The following RAB11FIP3 variants were observed in gnomAD, a reference collection of about 807,000 sequenced individuals.
The protein encoded by RAB11FIP3 is rab11 family-interacting protein 3.
A neutral mutation model predicts 77.8 loss-of-function variants in RAB11FIP3; 17 were observed. That is an observed-to-expected ratio of 0.22 (90% CI 0.15 to 0.33). RAB11FIP3 has a LOEUF of 0.33. Among genes scored for constraint, RAB11FIP3 ranks in the 10% least tolerant of loss-of-function variants. The probability of loss-of-function intolerance (pLI) is 1.00; values close to 1 mark genes in which losing one functional copy is unlikely to be tolerated. For missense variants in RAB11FIP3, 1,005 were observed against 1,011.2 expected (o/e 0.99, Z 0.08); for synonymous variants, 437 against 448.2 (o/e 0.98, Z 0.31).
intron 5 of RAB11FIP3, among the ~76,000 whole-genome samples, chr16:494,483 G>A (rs1260803327): frequency 4.0e-5 from 6 of 151,682 alleles, no homozygotes; most frequent in East Asian, 2.0e-4. Context: ...TTAGCCGGGC[G>A]TGGTGGCGGG....
At chr16:474,209 G>A (rs2055859091) in intron 3 of RAB11FIP3, among the ~76,000 whole-genome samples, 1 of 152,092 alleles carries the variant, frequency 6.6e-6, no homozygotes, top group Admixed American at 6.6e-5. Flanking sequence ...TAGTCTTCAG[G>A]TAAATAAACC....
Position 471,341 on chromosome 16 carries a change from G to T in RAB11FIP3, c.855G>T (p.Glu285Asp). The T allele has an allele frequency of 6.2e-7, 1 of 1,614,058 alleles. No homozygotes were observed. Among genetic ancestry groups the T allele is most frequent in the Non-Finnish European group, 8.5e-7 (1 of 1,179,930 alleles). Residue 285 changes from glutamate to aspartate, a missense_variant, in exon 3 of 14, where the codon GAG becomes GAT. Glu to Asp is a conservative substitution (Grantham distance 45, BLOSUM62 2). Transcript: ENST00000262305. The surrounding 1 kb of genome is among the most constrained non-coding windows in gnomAD (Gnocchi z 4.4). ...GTGGTGTCGCTTCTGCCCAAGATGA[G>T]GAGCCCCTGGCCTGCCCGGACGAGT... ...CYGGVASAQD[E>D]EPLACPDEFD...
At chr16:481,202 C>T (rs746331441) in intron 3 of RAB11FIP3, among the ~76,000 whole-genome samples, 5 of 152,022 alleles carry the variant, frequency 3.3e-5, no homozygotes, top group Non-Finnish European at 5.9e-5. Context: ...ACTGCAGCCT[C>T]GACCTTTTGG....
intron 3 of RAB11FIP3, among the ~76,000 whole-genome samples, chr16:475,770 A>C (rs2055892996): frequency 6.6e-6 from 1 of 152,210 alleles, no homozygotes; most frequent in Non-Finnish European, 1.5e-5. Context: ...GAAGCCGCTG[A>C]GGAGTGGAAC....
chr16:480,634 G>A (rs1483265412), intron 3 of RAB11FIP3, among the ~76,000 whole-genome samples: 3 of 151,978 alleles, frequency 2.0e-5, no homozygotes, highest in African/African-American at 7.3e-5. Context: ...CGAGTAGCTG[G>A]GACTACAGGT....
Position 486,884 on chromosome 16 carries a change from C to G in RAB11FIP3, c.1116-1967C>G, listed in dbSNP as rs767432003. Among the ~76,000 whole-genome samples the G allele has an allele frequency of 2.0e-5, 3 of 152,226 alleles. No individual in the cohort carries two copies. The South Asian group carries it at 6.2e-4, about 32-fold the overall frequency. On this transcript the variant is annotated intron_variant, in intron 4 of 13. Transcript: ENST00000262305. ...AGTGTGTGTTTTCCTCTCGCTGATT[C>G]TCCTCCCCTCAGAGGGCAGTTTTCT...
At chr16:451,492 C>G (rs897478313) in intron 1 of RAB11FIP3, 3 of 152,236 alleles carry the variant, frequency 2.0e-5, no homozygotes, top group African/African-American at 7.2e-5. Context: ...GGAGGAGCCC[C>G]ACATTTTCGT....
At chr16:486,179 C>T (rs374099943) in intron 4 of RAB11FIP3, among the ~76,000 whole-genome samples, 6 of 152,330 alleles carry the variant, frequency 3.9e-5, no homozygotes, top group African/African-American at 1.4e-4. Context: ...GCTGGGATTA[C>T]AGGCGAGTAT....
chr16:494,189 A>G (rs2030893817), intron 5 of RAB11FIP3, among the ~76,000 whole-genome samples: 1 of 149,582 alleles, frequency 6.7e-6, no homozygotes. Context: ...GCACCTGGCC[A>G]CCTGGAGGTG....
At position 502,993 on chromosome 16, in the gene RAB11FIP3, C is replaced by A; in HGVS notation, c.1302-11C>A. 2 of 1,600,684 alleles carry A rather than the reference C, an allele frequency of 1.2e-6. No homozygotes were observed. The highest frequency in any genetic ancestry group is 1.7e-6 in the Non-Finnish European group (2 of 1,168,510). On this transcript the variant is annotated splice_polypyrimidine_tract_variant and intron_variant, in intron 6 of 13. Coordinates refer to ENST00000262305, the MANE Select transcript of RAB11FIP3 (RefSeq NM_014700.4). ...CCCTTTCTTCCCTCTGTTGTTGTGCCTTTTCTGTAGGTACCTGCACCAGTC... is the reference window on the plus strand; with the variant it reads ...CCCTTTCTTCCCTCTGTTGTTGTGCATTTTCTGTAGGTACCTGCACCAGTC...
chr16:444,934 G>A (rs2055286062), intron 1 of RAB11FIP3, among the ~76,000 whole-genome samples: 2 of 151,946 alleles, frequency 1.3e-5, no homozygotes, highest in South Asian at 4.2e-4. Flanking sequence ...CTAACATGGT[G>A]AAACCCTGTC....
rs201456798 is a variant in RAB11FIP3, at chr16:504,239, C to T, written c.1395+1142C>T. Among the ~76,000 whole-genome samples the T allele has an allele frequency of 4.3e-4, 4 of 9,402 alleles. No individual in the cohort carries two copies. In the East Asian group the frequency reaches 0.028, roughly 66 times the overall value. The allele number at this position is 9,402 out of a possible 152,430, so 6.2% of individuals were successfully genotyped here. A position where few individuals can be genotyped will look rare whatever the true frequency, so the allele number is the denominator to read the frequency against. On this transcript the variant is annotated intron_variant, in intron 7 of 13. Coordinates refer to ENST00000262305, the MANE Select transcript of RAB11FIP3 (RefSeq NM_014700.4). Reference sequence around the variant, plus strand: ...CTGTACCCCCTCACCTCCTCCTGTACCCCCTCACCTCCTCCTGTACCCCCT... The same window carrying T: ...CTGTACCCCCTCACCTCCTCCTGTATCCCCTCACCTCCTCCTGTACCCCCT...
At chr16:475,005 A>G in intron 3 of RAB11FIP3, 1 of 1,551,730 alleles carries the variant, frequency 6.4e-7, no homozygotes, top group Non-Finnish European at 8.7e-7. Flanking sequence ...GGACGGAGAC[A>G]CGATGGGGAG....
At chr16:477,085 CAAAAAA>C (rs34127149) in intron 3 of RAB11FIP3, among the ~76,000 whole-genome samples, 2 of 122,720 alleles carry the variant, frequency 1.6e-5, no homozygotes, top group Non-Finnish European at 1.7e-5. Flanking sequence ...GACTCCGTCT[CAAAAAA>C]AAAAAAAAAA....
At chr16:466,538 G>T (rs912204902) in intron 2 of RAB11FIP3, among the ~76,000 whole-genome samples, 4 of 152,194 alleles carry the variant, frequency 2.6e-5, no homozygotes, top group African/African-American at 9.7e-5. Context: ...GAAGCCTCTA[G>T]CCTGGCCTGC....
chr16:454,501 T>C (rs770953088), intron 1 of RAB11FIP3, among the ~76,000 whole-genome samples: 2 of 152,092 alleles, frequency 1.3e-5, no homozygotes, highest in Non-Finnish European at 2.9e-5. Context: ...TGGCCGAGTC[T>C]AGTCGTTCAC....
chr16:446,280 C>T (rs1335457194), intron 1 of RAB11FIP3, among the ~76,000 whole-genome samples: 5 of 152,094 alleles, frequency 3.3e-5, no homozygotes, highest in African/African-American at 1.2e-4. Flanking sequence ...TAAAGATCAC[C>T]CTGGCCTCTT....
At chr16:473,259 A>C (rs748948545) in intron 3 of RAB11FIP3, among the ~76,000 whole-genome samples, 6 of 152,340 alleles carry the variant, frequency 3.9e-5, no homozygotes, top group Non-Finnish European at 8.8e-5. Context: ...GAAGGGTGGG[A>C]ACCTGACATG....
chr16:452,610 A>G (rs553862316), intron 1 of RAB11FIP3, among the ~76,000 whole-genome samples: 1 of 134,648 alleles, frequency 7.4e-6, no homozygotes, highest in East Asian at 2.3e-4. Flanking sequence ...AATTTTTTGT[A>G]TTTTTAGTAG....
Sources: gnomAD v4.1 joint callset for allele counts (sites outside exome capture counted in the v4.1 genomes callset) on GRCh38, gnomAD v4.1.1 for gene constraint, Gnocchi (gnomAD v3.1) non-coding constraint, MANE v1.5 for transcripts, NCBI Gene and HGNC (gene_info 2026-07-23, HGNC 2026-07-21) for gene names.